Variants in MTCH2 observed in about 807,000 individuals in gnomAD.
The protein encoded by MTCH2 is mitochondrial carrier homolog 2.
A neutral mutation model predicts 50.6 loss-of-function variants in MTCH2; 25 were observed. That is an observed-to-expected ratio of 0.49 (90% CI 0.36 to 0.69). The LOEUF (loss-of-function observed/expected upper bound fraction) is 0.69, where lower values mean the gene tolerates loss of function less well. Among genes scored for constraint, MTCH2 ranks in the 30% least tolerant of loss-of-function variants. MTCH2 has a pLI of 0.00. For missense variants in MTCH2, 273 were observed against 384.4 expected (o/e 0.71, Z 2.42); for synonymous variants, 106 against 132.0 (o/e 0.80, Z 1.35).
At position 47,618,390 on chromosome 11, in the gene MTCH2, C is replaced by A. The variant is rs556974169; in HGVS notation, c.*443G>T. 5 of 223,246 alleles carry A rather than the reference C, an allele frequency of 2.2e-5. No homozygotes were observed. Among genetic ancestry groups the A allele is most frequent in the Non-Finnish European group, 4.4e-5 (5 of 114,312 alleles). 13.8% of individuals were successfully genotyped at this position (223,246 alleles called of 1,614,324 possible). On this transcript the variant is annotated 3_prime_UTR_variant, in exon 13 of 13. Transcript: ENST00000302503. Reference sequence around the variant, plus strand: ...GTCAGATTCTGGTGCATGCTACTGACATTTTAGGGTCTACCCAAGAAAAAG... The same window carrying A: ...GTCAGATTCTGGTGCATGCTACTGAAATTTTAGGGTCTACCCAAGAAAAAG...
chr11:47,618,866 C>G lies in MTCH2; in HGVS notation c.879G>C (p.Lys293Asn). Residue 293 changes from lysine to asparagine, a missense_variant, in exon 13 of 13, where the codon AAG becomes AAC. Physicochemically the swap from Lys to Asn is moderately conservative, Grantham distance 94 (BLOSUM62 0). This residue lies in a region of MTCH2 where 70 missense variants were observed against 140.1 expected (regional missense o/e 0.50). Transcript: ENST00000302503. ...ACATTTTCAGGTCACAACAATAAGT[C>G]TTCCCAAAGGGGACCTTCCGGAAAA... Reference protein sequence around the residue: ...SLFFRKVPFGKTYCCDLKMLI With the variant: ...SLFFRKVPFGNTYCCDLKMLI 2 of 1,613,996 alleles carry G rather than the reference C, an allele frequency of 1.2e-6. No homozygotes were observed. The highest frequency in any genetic ancestry group is 1.7e-6 in the Non-Finnish European group (2 of 1,179,958).
At chr11:47,615,031 CTTTTTTTTTTT>C (rs61122824), downstream of MTCH2, among the ~76,000 whole-genome samples, 78 of 44,914 alleles carry the variant, frequency 1.7e-3, no homozygotes, top group African/African-American at 3.6e-3. Context: ...CCCAGTGAGG[CTTTTTTTTTTT>C]TTTTTTTTTT....
chr11:47,634,593 G>T, intron 5 of MTCH2, 79 bp downstream of exon 5: 1 of 1,105,028 alleles, frequency 9.0e-7, no homozygotes, highest in Non-Finnish European at 1.4e-6. Context: ...GAACACACAG[G>T]CCTGATGATT....
the MTCH2 span, among the ~76,000 whole-genome samples, chr11:47,605,697 C>G: frequency 3.3e-5 from 5 of 152,190 alleles, no homozygotes; most frequent in African/African-American, 1.2e-4. Flanking sequence ...ACAGCAGTTA[C>G]ATGAATCCAC....
downstream of MTCH2, among the ~76,000 whole-genome samples, chr11:47,615,626 C>T (rs2097287933): frequency 6.7e-6 from 1 of 149,554 alleles, no homozygotes. Context: ...TTCTTTCATC[C>T]TAAGGTTGCT....
rs1301123917 is a variant in MTCH2 at position 47,617,550 on chromosome 11, C to T, written c.*1283G>A. On this transcript the variant is annotated 3_prime_UTR_variant, in exon 13 of 13. Coordinates refer to ENST00000302503, the MANE Select transcript of MTCH2 (RefSeq NM_014342.4). ...GCATTCTCGTTCTGTCTAATATTAT[C>T]AGTGGGGCTGTTTTGACAGAGAAGT... 1 of 152,572 alleles carries T rather than the reference C, an allele frequency of 6.6e-6. No individual in the cohort carries two copies. Among genetic ancestry groups the T allele is most frequent in the African/African-American group, 2.4e-5 (1 of 41,432 alleles). 9.5% of individuals were successfully genotyped at this position (152,572 alleles called of 1,614,324 possible).
chr11:47,623,968 C>T (rs1244723243), intron 11 of MTCH2, among the ~76,000 whole-genome samples: 1 of 152,158 alleles, frequency 6.6e-6, no homozygotes, highest in Non-Finnish European at 1.5e-5. Flanking sequence ...AGGAGAAGTA[C>T]TTGAACCCAG....
intron 10 of MTCH2, 58 bp downstream of exon 10, chr11:47,627,022 G>GAAAAC: frequency 7.4e-7 from 1 of 1,356,384 alleles, no homozygotes. Flanking sequence ...GATTTAAAAG[G>GAAAAC]AAAACAAAAC....
At chr11:47,616,744 G>A (rs184890512), downstream of MTCH2, among the ~76,000 whole-genome samples, 18 of 148,560 alleles carry the variant, frequency 1.2e-4, no homozygotes, top group East Asian at 3.2e-3. Flanking sequence ...GTGCAATGGC[G>A]TGATCTCAGT....
At chr11:47,621,828 G>A (rs995269207) in intron 12 of MTCH2, among the ~76,000 whole-genome samples, 3 of 151,930 alleles carry the variant, frequency 2.0e-5, no homozygotes, top group African/African-American at 7.3e-5. Context: ...AGCCTCCTGA[G>A]TAACTGGAAC....
chr11:47,642,385 G>A lies in MTCH2; in HGVS notation c.81C>T (p.Leu27=). Residue 27 remains leucine, a synonymous_variant, in exon 1 of 13, where the codon CTC becomes CTT. Transcript: ENST00000302503. ...GAGCGGCGACGCCTCATACCTGGAT[G>A]AGCACTTTCACGTACATGAGCGGCT... The part of the protein sequence containing the change: ...LSQPLMYVKV[L]IQVGYEPLPP... 1.9e-6 allele frequency: 3 copies of A among 1,607,176 alleles called. No individual in the cohort carries two copies. Among genetic ancestry groups the A allele is most frequent in the South Asian group, 1.1e-5 (1 of 89,746 alleles).
At chr11:47,609,621 T>C in the MTCH2 span, among the ~76,000 whole-genome samples, 15 of 100,450 alleles carry the variant, frequency 1.5e-4, no homozygotes, top group African/African-American at 5.2e-4. Context: ...AGCGAGACTC[T>C]GTCTCAAAAA....
the MTCH2 span, among the ~76,000 whole-genome samples, chr11:47,604,421 A>G: frequency 6.6e-6 from 1 of 152,192 alleles, no homozygotes; most frequent in Admixed American, 6.5e-5. Flanking sequence ...AGGAGGGTAA[A>G]ATGACACAAT....
the MTCH2 span, among the ~76,000 whole-genome samples, chr11:47,604,953 C>T: frequency 2.6e-5 from 4 of 151,360 alleles, no homozygotes; most frequent in Non-Finnish European, 5.9e-5. Context: ...TTTTTTGAGA[C>T]GGAGTCTTGC....
chr11:47,604,499 A>G, the MTCH2 span, among the ~76,000 whole-genome samples: 2 of 152,174 alleles, frequency 1.3e-5, no homozygotes, highest in African/African-American at 4.8e-5. Flanking sequence ...TCTTGAAGAG[A>G]TGTTTTTCAG....
At chr11:47,620,934 G>A (rs568590998) in intron 12 of MTCH2, among the ~76,000 whole-genome samples, 2 of 152,306 alleles carry the variant, frequency 1.3e-5, no homozygotes, top group East Asian at 1.9e-4. Context: ...ATCAAGATTT[G>A]CTGTTGTTGT....
intron 8 of MTCH2, 58 bp from the exon 9 acceptor site, chr11:47,629,104 C>A: frequency 7.4e-7 from 1 of 1,349,554 alleles, no homozygotes. Flanking sequence ...ACATGACAGG[C>A]TCTTCAGTAC....
rs1234145523 is a variant in MTCH2, at chr11:47,618,535, A to G, written c.*298T>C. On this transcript the variant is annotated 3_prime_UTR_variant, in exon 13 of 13. Coordinates refer to ENST00000302503, the MANE Select transcript of MTCH2 (RefSeq NM_014342.4). ...CAAAGCCTTAAATTGAGACTCAAAAATCACATGACAAAGTGCCTGTAGCTT... is the reference window on the plus strand; with the variant it reads ...CAAAGCCTTAAATTGAGACTCAAAAGTCACATGACAAAGTGCCTGTAGCTT... 3.0e-6 allele frequency: 1 copy of G among 330,200 alleles called. No homozygotes were observed. The highest frequency in any genetic ancestry group is 2.2e-5 in the African/African-American group (1 of 45,696). The allele number at this position is 330,200 out of a possible 1,614,324, so 20.5% of individuals were successfully genotyped here. A position where few individuals can be genotyped will look rare whatever the true frequency, so the allele number is the denominator to read the frequency against.
chr11:47,638,746 G>A lies in MTCH2; in HGVS notation c.232C>T (p.Leu78=), dbSNP rs757878416. The change falls in exon 3 of 13, where the codon CTG becomes TTG. Residue 78 remains leucine (L), a synonymous_variant. Coordinates refer to ENST00000302503, the MANE Select transcript of MTCH2 (RefSeq NM_014342.4). ...RGLFTGLTPR[L]CSGVLGTVVH... Reference sequence around the variant, plus strand: ...ACAGTTCCAAGGACTCCCGAACACAGTCTTGGAGTTAAGCCTGTGAACAAC... The same window carrying A: ...ACAGTTCCAAGGACTCCCGAACACAATCTTGGAGTTAAGCCTGTGAACAAC... 3 of 1,614,284 alleles carry A rather than the reference G, an allele frequency of 1.9e-6. No homozygotes were observed. The highest frequency in any genetic ancestry group is 1.7e-5 in the Admixed American group (1 of 60,036).
Sources: allele counts gnomAD v4.1 joint callset (sites outside exome capture counted in the v4.1 genomes callset), GRCh38; gene constraint gnomAD v4.1.1; regional missense constraint gnomAD v4.1.1; transcripts MANE v1.5; gene names NCBI Gene and HGNC (gene_info 2026-07-23, HGNC 2026-07-21).